ENPP6: variants seen among roughly 807,000 people sequenced by gnomAD.
ENPP6 encodes glycerophosphocholine cholinephosphodiesterase ENPP6.
A neutral mutation model predicts 42.0 loss-of-function variants in ENPP6; 32 were observed. The observed-to-expected ratio is 0.76, with a 90% CI of 0.58 to 1.02. The LOEUF (loss-of-function observed/expected upper bound fraction) is 1.02, where lower values mean the gene tolerates loss of function less well. ENPP6 is among the 50% of genes least tolerant of loss of function. ENPP6 has a pLI of 0.00. For synonymous variants in ENPP6, 213 were observed against 216.0 expected, an observed-to-expected ratio of 0.99 and a Z score of 0.12; for missense variants, 552 against 566.8, an observed-to-expected ratio of 0.97 and a Z score of 0.27.
At chr4:184,158,572 G>A (rs1299639727) in intron 1 of ENPP6, among the ~76,000 whole-genome samples, 1 of 152,142 alleles carries the variant, frequency 6.6e-6, no homozygotes, top group Non-Finnish European at 1.5e-5. Context: ...GAATTAAAGG[G>A]CACTATCTCT....
At chr4:184,167,241 G>A (rs1225972925) in intron 1 of ENPP6, among the ~76,000 whole-genome samples, 2 of 152,100 alleles carry the variant, frequency 1.3e-5, no homozygotes, top group Non-Finnish European at 2.9e-5. Flanking sequence ...TCAGTCTCCC[G>A]AGTAGTTGAG....
In ENPP6 at chr4:184,121,490, T is replaced by C. The variant is rs1183437098; in HGVS notation, c.533+2671A>G. On this transcript the variant is annotated intron_variant, in intron 3 of 7. Coordinates refer to ENST00000296741, the MANE Select transcript of ENPP6 (RefSeq NM_153343.4). ...TAAAAAACACACTCTGTGAGTCTTG[T>C]AGTGACTTGGAGAAATGTGTGTGCA... Among the ~76,000 whole-genome samples the C allele has an allele frequency of 2.6e-5, 4 of 152,350 alleles. No individual in the cohort carries two copies. The East Asian group carries it at 7.7e-4, about 29-fold the overall frequency.
chr4:184,141,872 T>G (rs1736829233), intron 2 of ENPP6, among the ~76,000 whole-genome samples: 1 of 152,210 alleles, frequency 6.6e-6, no homozygotes. Context: ...AACACTTTTT[T>G]GGCTTGGACC....
intron 1 of ENPP6, among the ~76,000 whole-genome samples, chr4:184,154,749 T>C (rs1024271056): frequency 6.6e-6 from 1 of 152,158 alleles, no homozygotes; most frequent in Non-Finnish European, 1.5e-5. Context: ...CTCCCAGAGA[T>C]CCCAGCAAAA....
chr4:184,168,636 C>T (rs557887363), intron 1 of ENPP6, among the ~76,000 whole-genome samples: 2 of 152,334 alleles, frequency 1.3e-5, no homozygotes, highest in Non-Finnish European at 2.9e-5. Flanking sequence ...CGCCCGCAGC[C>T]GTCCCCGTAG....
intron 1 of ENPP6, among the ~76,000 whole-genome samples, chr4:184,180,114 C>T (rs1223486206): frequency 6.6e-6 from 1 of 151,650 alleles, no homozygotes; most frequent in Non-Finnish European, 1.5e-5. Flanking sequence ...ATAAAATAGA[C>T]CACTAGCTAG....
chr4:184,131,267 C>CT (rs758706653), intron 2 of ENPP6, among the ~76,000 whole-genome samples: 1,355 of 71,106 alleles, frequency 0.019, 153 homozygotes, highest in African/African-American at 0.075. Flanking sequence ...TCTCTTCCTT[C>CT]CTTCCTTCCT....
chr4:184,098,496 C>T (rs1735948270), intron 6 of ENPP6, among the ~76,000 whole-genome samples: 2 of 152,184 alleles, frequency 1.3e-5, no homozygotes, highest in African/African-American at 4.8e-5. Flanking sequence ...TCCTTCTGGC[C>T]CTGCCCTTGG....
chr4:184,154,914 C>T lies in ENPP6; in HGVS notation c.242-1181G>A, dbSNP rs188407777. Among the ~76,000 whole-genome samples the T allele has an allele frequency of 2.6e-5, 4 of 152,312 alleles. No individual in the cohort carries two copies. In the East Asian group the frequency reaches 7.7e-4, roughly 29 times the overall value. Reference sequence around the variant, plus strand: ...TTATTTTATTTATTGTTTCAACTAACATGTATTCAGTGCTCTTACATATAT... The same window carrying T: ...TTATTTTATTTATTGTTTCAACTAATATGTATTCAGTGCTCTTACATATAT... On this transcript the variant is annotated intron_variant, in intron 1 of 7. Coordinates refer to ENST00000296741, the MANE Select transcript of ENPP6 (RefSeq NM_153343.4).
chr4:184,170,439 A>G (rs1737442681), intron 1 of ENPP6, among the ~76,000 whole-genome samples: 1 of 56,142 alleles, frequency 1.8e-5, no homozygotes, highest in Non-Finnish European at 5.2e-5. Context: ...CAAAAAAGAA[A>G]AGAAGGAAAA....
At chr4:184,209,880 T>C (rs6847040) in intron 1 of ENPP6, among the ~76,000 whole-genome samples, 8,519 of 130,480 alleles carry the variant, frequency 0.065, 435 homozygotes, top group African/African-American at 0.17. Flanking sequence ...AGACTAACAG[T>C]GGATCTCTCG....
At chr4:184,125,587 A>T (rs932737416) in intron 2 of ENPP6, among the ~76,000 whole-genome samples, 4 of 152,146 alleles carry the variant, frequency 2.6e-5, no homozygotes, top group African/African-American at 9.7e-5. Flanking sequence ...GATTTAAAAG[A>T]TGACAGGGCA....
chr4:184,149,638 A>G lies in ENPP6; in HGVS notation c.421+3916T>C, dbSNP rs977191819. ...GAGTGGTTGCATCCAAGTCCTCCCT[A>G]CTGCTTGGCTGTAGGGAGATAACAT... On this transcript the variant is annotated intron_variant, in intron 2 of 7. Coordinates refer to ENST00000296741, the MANE Select transcript of ENPP6 (RefSeq NM_153343.4). 4.6e-5 allele frequency among the ~76,000 whole-genome samples: 7 copies of G among 152,284 alleles called. No homozygotes were observed. The East Asian group carries it at 1.4e-3, about 29-fold the overall frequency.
intron 1 of ENPP6, among the ~76,000 whole-genome samples, chr4:184,188,467 GC>G (rs1182557343): frequency 6.6e-6 from 1 of 152,074 alleles, no homozygotes; most frequent in Non-Finnish European, 1.5e-5. Context: ...CCCACGCTCT[GC>G]TTGAGTCAAG....
chr4:184,097,215 C>A, intron 7 of ENPP6, 30 bp downstream of exon 7: 1 of 1,613,690 alleles, frequency 6.2e-7, no homozygotes, highest in South Asian at 1.1e-5. Flanking sequence ...GGAATGGGGT[C>A]TGAGAGCATC....
chr4:184,148,713 C>T (rs1006611012), intron 2 of ENPP6, among the ~76,000 whole-genome samples: 3 of 152,216 alleles, frequency 2.0e-5, no homozygotes, highest in Non-Finnish European at 2.9e-5. Context: ...TTGACCCAAG[C>T]CTGCCCTTGC....
At chr4:184,160,823 C>A (rs1427748421) in intron 1 of ENPP6, among the ~76,000 whole-genome samples, 1 of 152,116 alleles carries the variant, frequency 6.6e-6, no homozygotes, top group Non-Finnish European at 1.5e-5. Context: ...GCTTCCAGGA[C>A]ATATGTTGTC....
At chr4:184,194,118 C>T (rs765004946) in intron 1 of ENPP6, among the ~76,000 whole-genome samples, 7 of 152,202 alleles carry the variant, frequency 4.6e-5, no homozygotes, top group Non-Finnish European at 1.0e-4. Flanking sequence ...TTCTTACCAT[C>T]ATGGTCCCTC....
intron 2 of ENPP6, among the ~76,000 whole-genome samples, chr4:184,127,690 G>A (rs1297877877): frequency 2.0e-5 from 3 of 152,178 alleles, no homozygotes; most frequent in African/African-American, 4.8e-5. Context: ...CTGGTGGGTG[G>A]AGGTTGCAGT....
Sources: gnomAD v4.1 joint callset for allele counts (sites outside exome capture counted in the v4.1 genomes callset) on GRCh38, gnomAD v4.1.1 for gene constraint, MANE v1.5 for transcripts, NCBI Gene and HGNC (gene_info 2026-07-23, HGNC 2026-07-21) for gene names.